Variants in PTPRD observed in about 807,000 individuals in gnomAD.
PTPRD encodes the protein protein tyrosine phosphatase receptor type D, also known as receptor-type tyrosine-protein phosphatase delta.
PTPRD carries 34 observed loss-of-function variants against 214.5 expected under a neutral mutation model. The ratio of observed to expected loss-of-function variants is 0.16; its 90% CI spans 0.12 to 0.21. The LOEUF (loss-of-function observed/expected upper bound fraction) is 0.21. PTPRD is among the 10% of genes least tolerant of loss of function. PTPRD has a pLI of 1.00. For synonymous variants in PTPRD, 1,128 were observed against 845.7 expected (o/e 1.33, Z -5.79); for missense variants, 2,545 against 2,398.7 (o/e 1.06, Z -1.27).
chr9:8,628,609 C>G (rs1418495763), intron 14 of PTPRD, among the ~76,000 whole-genome samples: 1 of 138,750 alleles, frequency 7.2e-6, no homozygotes, highest in Non-Finnish European at 1.5e-5. Flanking sequence ...CAATGCATAT[C>G]AGGCCAAAAA....
intron 8 of PTPRD, among the ~76,000 whole-genome samples, chr9:9,539,180 T>G (rs1057161896): frequency 2.0e-5 from 3 of 151,852 alleles, no homozygotes; most frequent in African/African-American, 7.2e-5. Flanking sequence ...ACATATTTTT[T>G]GAGACCTAAA....
intron 7 of PTPRD, among the ~76,000 whole-genome samples, chr9:9,708,017 C>A (rs911339294): frequency 2.0e-5 from 3 of 151,854 alleles, no homozygotes; most frequent in African/African-American, 7.3e-5. Context: ...AACATAGGAT[C>A]AAGCTTATAA....
chr9:9,676,395 T>G (rs1039374775), intron 7 of PTPRD, among the ~76,000 whole-genome samples: 1 of 151,522 alleles, frequency 6.6e-6, no homozygotes, highest in African/African-American at 2.4e-5. Flanking sequence ...TTTGTCCTTG[T>G]GATAGTTTGC....
At chr9:8,581,621 G>A (rs541976423) in intron 14 of PTPRD, among the ~76,000 whole-genome samples, 3 of 152,240 alleles carry the variant, frequency 2.0e-5, no homozygotes, top group South Asian at 4.1e-4. Context: ...GGTGGCAGAT[G>A]CCTGTAGTCC....
At chr9:9,058,473 C>T (rs1319584501) in intron 10 of PTPRD, among the ~76,000 whole-genome samples, 1 of 21,104 alleles carries the variant, frequency 4.7e-5, no homozygotes, top group Admixed American at 1.1e-3. Context: ...TTTTTTGAGA[C>T]GGAGTCTCGC....
intron 12 of PTPRD, among the ~76,000 whole-genome samples, chr9:8,693,375 C>T (rs1026742035): frequency 1.3e-5 from 2 of 152,144 alleles, no homozygotes; most frequent in African/African-American, 2.4e-5. Context: ...TGTTGACGTA[C>T]GCCAATGAAA....
chr9:8,741,305 A>T (rs1335625856), intron 11 of PTPRD, among the ~76,000 whole-genome samples: 3 of 152,182 alleles, frequency 2.0e-5, no homozygotes, highest in African/African-American at 7.2e-5. Context: ...TAGAAAAAGA[A>T]TCTAAAATTT....
intron 10 of PTPRD, among the ~76,000 whole-genome samples, chr9:9,137,343 TC>T (rs1426963580): frequency 1.3e-5 from 2 of 152,212 alleles, no homozygotes; most frequent in African/African-American, 4.8e-5. Flanking sequence ...ATTCTCTTGG[TC>T]TGTCTTGAAA....
intron 12 of PTPRD, among the ~76,000 whole-genome samples, chr9:8,652,163 CT>C (rs34592475): frequency 6.6e-6 from 1 of 152,172 alleles, no homozygotes; most frequent in African/African-American, 2.4e-5. Context: ...CAGAAATAAA[CT>C]TTTTGAAAAA....
At position 8,451,475 on chromosome 9, in the gene PTPRD, G is replaced by A. The variant is rs117782509; in HGVS notation, c.3876-1638C>T. On this transcript the variant is annotated intron_variant, in intron 33 of 45. Coordinates refer to ENST00000381196, the MANE Select transcript of PTPRD (RefSeq NM_002839.4). ...AAAGGGCTGGTGAAAAAGATATGAG[G>A]ACGAAGAAAAAGACAGGCTCATAAG... 9.2e-5 allele frequency among the ~76,000 whole-genome samples: 14 copies of A among 152,206 alleles called. No individual in the cohort carries two copies. In the East Asian group the frequency reaches 2.7e-3, roughly 30 times the overall value.
At chr9:9,662,015 A>G (rs2096631119) in intron 7 of PTPRD, among the ~76,000 whole-genome samples, 1 of 151,748 alleles carries the variant, frequency 6.6e-6, no homozygotes, top group South Asian at 2.1e-4. Flanking sequence ...CACATGTATG[A>G]TATATATGAT....
chr9:9,705,425 A>G (rs1015292403), intron 7 of PTPRD, among the ~76,000 whole-genome samples: 2 of 152,126 alleles, frequency 1.3e-5, no homozygotes, highest in African/African-American at 4.8e-5. Context: ...TTCCCTTTTT[A>G]TATTAAAACA....
At chr9:8,833,713 T>TACACACAC (rs1304244416) in intron 11 of PTPRD, among the ~76,000 whole-genome samples, 13 of 123,626 alleles carry the variant, frequency 1.1e-4, no homozygotes, top group African/African-American at 3.3e-4. Flanking sequence ...TATATATATA[T>TACACACAC]ATACACACAC....
At chr9:8,486,726 T>A (rs572931357) in intron 27 of PTPRD, among the ~76,000 whole-genome samples, 113 of 152,240 alleles carry the variant, frequency 7.4e-4, no homozygotes, top group Non-Finnish European at 1.4e-3. Context: ...TAATGATTAT[T>A]TATTCGTTGA....
At chr9:9,250,748 C>T (rs1235102764) in intron 9 of PTPRD, among the ~76,000 whole-genome samples, 1 of 151,908 alleles carries the variant, frequency 6.6e-6, no homozygotes, top group Non-Finnish European at 1.5e-5. Context: ...AAAACCAAAC[C>T]AAAACCAAAA....
At chr9:10,125,387 CTTTT>C (rs557632886) in intron 3 of PTPRD, among the ~76,000 whole-genome samples, 3 of 148,200 alleles carry the variant, frequency 2.0e-5, no homozygotes, top group South Asian at 2.1e-4. Context: ...TTTTTATCTT[CTTTT>C]TTATTTTTTA....
At chr9:8,424,664 G>GA (rs33939069) in intron 35 of PTPRD, among the ~76,000 whole-genome samples, 152,023 of 152,024 alleles carry the variant, frequency 1, 76,011 homozygotes, top group Non-Finnish European at 1. Context: ...TAAACTGGCA[G>GA]AAAATAAAGA....
rs146918420 is a variant in PTPRD, at chr9:9,377,063, T to C, written c.-203+20386A>G. 2.6e-4 allele frequency among the ~76,000 whole-genome samples: 40 copies of C among 152,234 alleles called. No homozygotes were observed. The East Asian group carries it at 3.3e-3, about 13-fold the overall frequency. ...CTAAAGGAAGAATTTGGCTGGAGAATTGATGTTGGCTATGGCAACATATAT... is the reference window on the plus strand; with the variant it reads ...CTAAAGGAAGAATTTGGCTGGAGAACTGATGTTGGCTATGGCAACATATAT... On this transcript the variant is annotated intron_variant, in intron 9 of 45. Coordinates refer to ENST00000381196, the MANE Select transcript of PTPRD (RefSeq NM_002839.4).
chr9:10,498,072 T>TG (rs2042616753), intron 2 of PTPRD, among the ~76,000 whole-genome samples: 1 of 152,006 alleles, frequency 6.6e-6, no homozygotes, highest in African/African-American at 2.4e-5. Flanking sequence ...ATAATCTATT[T>TG]GAACCAAATG....
Sources: allele counts gnomAD v4.1 joint callset (sites outside exome capture counted in the v4.1 genomes callset), GRCh38; gene constraint gnomAD v4.1.1; transcripts MANE v1.5; gene names NCBI Gene and HGNC (gene_info 2026-07-23, HGNC 2026-07-21).